Variants in MDFIC2 observed in about 807,000 individuals in gnomAD.
MDFIC2 encodes the protein myoD family inhibitor domain-containing protein 2.
chr3:70,238,132 C>T (rs934895347), intron 2 of MDFIC2, among the ~76,000 whole-genome samples: 4 of 151,752 alleles, frequency 2.6e-5, no homozygotes, highest in Non-Finnish European at 5.9e-5. Context: ...TAGCCAGAGT[C>T]CTCTATCTCC....
At chr3:70,238,289 G>A (rs1701632688) in intron 2 of MDFIC2, among the ~76,000 whole-genome samples, 1 of 151,902 alleles carries the variant, frequency 6.6e-6, no homozygotes, top group Non-Finnish European at 1.5e-5. Context: ...TGGGTAGACA[G>A]AGCCATTTTT....
At chr3:70,288,067 G>A (rs1452061107) in intron 2 of MDFIC2, among the ~76,000 whole-genome samples, 24 of 149,372 alleles carry the variant, frequency 1.6e-4, no homozygotes, top group African/African-American at 5.9e-4. Flanking sequence ...CTTCAGTTCT[G>A]CTCTGATTTT....
At chr3:70,205,078 T>C (rs1701277933) in intron 3 of MDFIC2, 1 of 152,122 alleles carries the variant, frequency 6.6e-6, no homozygotes, top group Non-Finnish European at 1.5e-5. Flanking sequence ...CAGGTCAAAG[T>C]TGGCCCAACG....
At chr3:70,283,450 G>C (rs1357737922) in intron 2 of MDFIC2, among the ~76,000 whole-genome samples, 2 of 152,110 alleles carry the variant, frequency 1.3e-5, no homozygotes, top group Non-Finnish European at 2.9e-5. Flanking sequence ...CAAAGAGCAA[G>C]GGCCTTGAAG....
intron 2 of MDFIC2, among the ~76,000 whole-genome samples, chr3:70,239,731 C>T (rs1399056275): frequency 6.6e-6 from 1 of 152,070 alleles, no homozygotes; most frequent in Non-Finnish European, 1.5e-5. Context: ...TTCCCCAGAG[C>T]CCTGTATTTT....
chr3:70,281,972 G>A (rs1470095847), intron 2 of MDFIC2, among the ~76,000 whole-genome samples: 1 of 152,142 alleles, frequency 6.6e-6, no homozygotes, highest in African/African-American at 2.4e-5. Context: ...GGCCAGTCCT[G>A]GCTTAGGATG....
chr3:70,293,855 T>C (rs1357325662), intron 2 of MDFIC2, among the ~76,000 whole-genome samples: 1 of 152,102 alleles, frequency 6.6e-6, no homozygotes, highest in Non-Finnish European at 1.5e-5. Flanking sequence ...AACTTACCAC[T>C]TTCAGTTTCA....
At chr3:70,268,789 C>G (rs980449617) in intron 2 of MDFIC2, among the ~76,000 whole-genome samples, 9 of 152,114 alleles carry the variant, frequency 5.9e-5, no homozygotes, top group African/African-American at 2.2e-4. Flanking sequence ...TTATTTGCAT[C>G]ATAAATATTT....
At chr3:70,312,000 A>G in intron 1 of MDFIC2, 27 bp from the exon 2 acceptor site, 1 of 397,558 alleles carries the variant, frequency 2.5e-6, no homozygotes, top group Non-Finnish European at 4.4e-6. Context: ...TTTGTGATAT[A>G]AAAAATTCAT....
At chr3:70,272,434 G>A (rs1219920611) in intron 2 of MDFIC2, 2 of 152,180 alleles carry the variant, frequency 1.3e-5, no homozygotes, top group Non-Finnish European at 2.9e-5. Context: ...GTGTTGTTGA[G>A]TTCATTCATT....
At chr3:70,256,940 G>T (rs1165677607) in intron 2 of MDFIC2, among the ~76,000 whole-genome samples, 4 of 152,102 alleles carry the variant, frequency 2.6e-5, no homozygotes, top group Admixed American at 6.6e-5. Flanking sequence ...ATTATAATTG[G>T]TCCACCCTGT....
At chr3:70,248,081 G>A (rs1215607680) in intron 2 of MDFIC2, among the ~76,000 whole-genome samples, 1 of 151,994 alleles carries the variant, frequency 6.6e-6, no homozygotes, top group East Asian at 1.9e-4. Context: ...CATTTATTGA[G>A]TATGTATTAA....
intron 2 of MDFIC2, among the ~76,000 whole-genome samples, chr3:70,269,234 G>A (rs574490146): frequency 6.6e-6 from 1 of 152,030 alleles, no homozygotes; most frequent in Non-Finnish European, 1.5e-5. Flanking sequence ...TCAATTATAG[G>A]CTAGGTCATA....
chr3:70,249,520 C>T (rs1320768133), intron 2 of MDFIC2: 3 of 152,074 alleles, frequency 2.0e-5, no homozygotes, highest in Non-Finnish European at 2.9e-5. Flanking sequence ...GATTAATCAT[C>T]CTTTCCCCTC....
chr3:70,288,587 G>C (rs9824094), intron 2 of MDFIC2, among the ~76,000 whole-genome samples: 1 of 148,466 alleles, frequency 6.7e-6, no homozygotes, highest in Non-Finnish European at 1.5e-5. Flanking sequence ...ACTTGCTGCA[G>C]AGCTGAGTTC....
chr3:70,261,977 A>C lies in MDFIC2; in HGVS notation c.88+49909T>G, dbSNP rs76512240. 5.1e-3 allele frequency among the ~76,000 whole-genome samples: 783 copies of C among 152,130 alleles called. 2 individuals carry two copies. Among genetic ancestry groups the C allele is most frequent in the African/African-American group, 0.018 (730 of 41,500 alleles). ...GCCCTGCCAGCACTTCTGCATACCA[A>C]CCTGTCCTTCCTTACCCATAAGAGT... On this transcript the variant is annotated intron_variant, in intron 2 of 3. Transcript: ENST00000567252.
chr3:70,224,246 CTACA>C (rs1701483897), intron 2 of MDFIC2, among the ~76,000 whole-genome samples: 1 of 152,318 alleles, frequency 6.6e-6, no homozygotes, highest in South Asian at 2.1e-4. Context: ...GCCAAGGTTT[CTACA>C]TGCACCTGAC....
At chr3:70,271,090 T>A (rs1372286165) in intron 2 of MDFIC2, among the ~76,000 whole-genome samples, 2 of 152,200 alleles carry the variant, frequency 1.3e-5, no homozygotes, top group Admixed American at 1.3e-4. Context: ...ATAGGCCATT[T>A]ATCGAAGCTG....
intron 2 of MDFIC2, among the ~76,000 whole-genome samples, chr3:70,287,649 G>T (rs934556637): frequency 6.6e-6 from 1 of 151,712 alleles, no homozygotes; most frequent in Non-Finnish European, 1.5e-5. Context: ...GTTCCTCCTT[G>T]TACCTCTGGT....
Sources: allele counts gnomAD v4.1 joint callset (sites outside exome capture counted in the v4.1 genomes callset), GRCh38; gene constraint gnomAD v4.1.1; transcripts MANE v1.5; gene names NCBI Gene and HGNC (gene_info 2026-07-23, HGNC 2026-07-21).